CCDC12: variants seen among roughly 807,000 people sequenced by gnomAD.
CCDC12 encodes the protein coiled-coil domain-containing protein 12.
A neutral mutation model predicts 25.7 loss-of-function variants in CCDC12; 28 were observed. The ratio of observed to expected loss-of-function variants is 1.09; its 90% CI spans 0.81 to 1.50. The LOEUF is 1.50. Among genes scored for constraint, CCDC12 ranks in the 40% most tolerant of loss-of-function variants. The probability of loss-of-function intolerance (pLI) is 0.00; values close to 1 mark genes in which losing one functional copy is unlikely to be tolerated. For synonymous variants in CCDC12, 75 were observed against 87.7 expected (o/e 0.86, Z 0.81); for missense variants, 198 against 210.0 (o/e 0.94, Z 0.35).
chr3:46,934,091 A>G (rs1371435673), intron 2 of CCDC12, among the ~76,000 whole-genome samples: 1 of 152,054 alleles, frequency 6.6e-6, no homozygotes, highest in African/African-American at 2.4e-5. Context: ...GGTTGTAAAT[A>G]TCAATTTAAA....
chr3:46,923,826 A>C, intron 3 of CCDC12, 158 bp from the exon 4 acceptor site: 1 of 503,368 alleles, frequency 2.0e-6, no homozygotes, highest in Non-Finnish European at 3.2e-6. Context: ...GACCCTGCAA[A>C]GGCAGCTCTG....
chr3:46,949,206 T>A (rs751222295), intron 1 of CCDC12, among the ~76,000 whole-genome samples: 20 of 152,076 alleles, frequency 1.3e-4, no homozygotes, highest in Non-Finnish European at 2.4e-4. Flanking sequence ...TGGGTGGCAT[T>A]AAGAGGTGTC....
At chr3:46,930,031 CAAAAA>C (rs145507739) in intron 2 of CCDC12, among the ~76,000 whole-genome samples, 3 of 39,902 alleles carry the variant, frequency 7.5e-5, no homozygotes, top group African/African-American at 3.9e-4. Context: ...GACCCCATCT[CAAAAA>C]AAAAAAAAAA....
At chr3:46,974,833 T>C (rs986454408) in intron 1 of CCDC12, among the ~76,000 whole-genome samples, 3 of 152,194 alleles carry the variant, frequency 2.0e-5, no homozygotes, top group Non-Finnish European at 4.4e-5. Flanking sequence ...ACGGCCCTCA[T>C]TGGTCTGTCT....
At chr3:46,944,963 T>C (rs533652421) in intron 1 of CCDC12, among the ~76,000 whole-genome samples, 1 of 152,278 alleles carries the variant, frequency 6.6e-6, no homozygotes, top group East Asian at 1.9e-4. Context: ...ATATCTACTC[T>C]GATAACCCCC....
intron 1 of CCDC12, among the ~76,000 whole-genome samples, chr3:46,942,245 G>A (rs1003615210): frequency 2.0e-5 from 3 of 152,236 alleles, no homozygotes; most frequent in East Asian, 1.9e-4. Flanking sequence ...GCACAAATTC[G>A]TGTGACCACA....
chr3:46,940,567 G>A (rs2033659869), intron 2 of CCDC12: 2 of 171,848 alleles, frequency 1.2e-5, no homozygotes, highest in South Asian at 3.0e-4. Flanking sequence ...ATGCTGAGTG[G>A]CCAGAGGTGG....
chr3:46,967,814 A>G (rs1285464820), intron 1 of CCDC12, among the ~76,000 whole-genome samples: 3 of 152,068 alleles, frequency 2.0e-5, no homozygotes, highest in Admixed American at 6.5e-5. Flanking sequence ...GTTCCAAGGG[A>G]AAAAAAAGTA....
rs756825257 is a variant in CCDC12, at chr3:46,922,276, T to C, written c.378A>G (p.Lys126=). The change falls in exon 6 of 7, where the codon AAA becomes AAG. Residue 126 remains lysine (K), a synonymous_variant. Transcript: ENST00000683445. ...TGGCCCTCTGAGTCCGCTTTTTTAG[T>C]TTCTCCAGCTTCTTGGCCACATCTC... ...LKRDVAKKLE[K]LKKRTQRAIA... The C allele has an allele frequency of 4.3e-6, 7 of 1,614,242 alleles. No individual in the cohort carries two copies. The East Asian group carries it at 1.3e-4, about 31-fold the overall frequency.
intron 2 of CCDC12, among the ~76,000 whole-genome samples, chr3:46,938,646 T>C (rs1324545027): frequency 6.8e-6 from 1 of 147,376 alleles, no homozygotes; most frequent in Non-Finnish European, 1.5e-5. Flanking sequence ...AGCTCAGGAG[T>C]TTGAGACCAG....
chr3:46,954,185 G>GTCC (rs1364719264), intron 1 of CCDC12, among the ~76,000 whole-genome samples: 2 of 152,144 alleles, frequency 1.3e-5, no homozygotes, highest in African/African-American at 2.4e-5. Context: ...AGACTCTCTG[G>GTCC]TCCTGAGGAC....
intron 1 of CCDC12, among the ~76,000 whole-genome samples, chr3:46,954,617 C>T (rs188719345): frequency 6.6e-6 from 1 of 152,180 alleles, no homozygotes; most frequent in African/African-American, 2.4e-5. Flanking sequence ...ATAAGAGCTA[C>T]CATTTATTAA....
At position 46,951,208 on chromosome 3, in the gene CCDC12, G is replaced by A. The variant is rs118086688; in HGVS notation, c.97-10143C>T. Reference sequence around the variant, plus strand: ...AACAGAGACTAGATGGGTGGTTACAGAGGCTGGAGTTGCAGGAGAGGTGGA... The same window carrying A: ...AACAGAGACTAGATGGGTGGTTACAAAGGCTGGAGTTGCAGGAGAGGTGGA... On this transcript the variant is annotated intron_variant, in intron 1 of 6. Coordinates refer to ENST00000683445, the MANE Select transcript of CCDC12 (RefSeq NM_001277074.2). Among the ~76,000 whole-genome samples the A allele has an allele frequency of 2.0e-4, 31 of 152,266 alleles. 1 individual carries two copies. The East Asian group carries it at 6.0e-3, about 29-fold the overall frequency.
At chr3:46,969,711 T>A (rs566027923) in intron 1 of CCDC12, among the ~76,000 whole-genome samples, 1 of 152,156 alleles carries the variant, frequency 6.6e-6, no homozygotes, top group South Asian at 2.1e-4. Flanking sequence ...GCTGATGTGA[T>A]GGTCATCTGG....
At chr3:46,966,765 T>G (rs6806426) in intron 1 of CCDC12, among the ~76,000 whole-genome samples, 152,144 of 152,274 alleles carry the variant, frequency 1, 76,009 homozygotes, top group Middle Eastern at 1. Context: ...CAGGAAGGCT[T>G]TGGCCAGCAT....
chr3:46,955,244 A>G (rs1468747447), intron 1 of CCDC12, among the ~76,000 whole-genome samples: 1 of 152,102 alleles, frequency 6.6e-6, no homozygotes, highest in Non-Finnish European at 1.5e-5. Flanking sequence ...CAGCCCAACT[A>G]ACTCCCAAAT....
intron 1 of CCDC12, among the ~76,000 whole-genome samples, chr3:46,959,745 C>T (rs2034408763): frequency 6.6e-6 from 1 of 152,174 alleles, no homozygotes; most frequent in African/African-American, 2.4e-5. Flanking sequence ...CACAGATCAT[C>T]TTCCCAAATT....
chr3:46,957,570 C>T (rs762603961), intron 1 of CCDC12, among the ~76,000 whole-genome samples: 1 of 152,128 alleles, frequency 6.6e-6, no homozygotes, highest in African/African-American at 2.4e-5. Context: ...AACCTAACAA[C>T]GAAGTGTGTG....
In CCDC12 at chr3:46,923,665, TC is replaced by T; in HGVS notation, c.247del (p.Glu83ArgfsTer4). On this transcript the variant is annotated frameshift_variant and splice_region_variant, in exon 4 of 7. Transcript: ENST00000683445. LOFTEE classifies it high-confidence loss of function. ...CTCCAGCTGCTCCTTCACCTTCTCC[TC>T]CACTAGAGGGTGCAATTAAACAGAG... ...RVPQAKPVAVEEKVKEQLEAA... is the reference protein window; with the variant it reads ...RVPQAKPVAVXEKVKEQLEAA... 1 of 1,544,722 alleles carries T rather than the reference TC, an allele frequency of 6.5e-7. No individual in the cohort carries two copies.
Sources: allele counts gnomAD v4.1 joint callset (sites outside exome capture counted in the v4.1 genomes callset), GRCh38; gene constraint gnomAD v4.1.1; transcripts MANE v1.5; gene names NCBI Gene and HGNC (gene_info 2026-07-23, HGNC 2026-07-21).